ART3: variants seen among roughly 807,000 people sequenced by gnomAD.
ART3 encodes ADP-ribosyltransferase 3 (inactive), also known as ecto-ADP-ribosyltransferase 3.
Under a neutral mutation model 48.5 loss-of-function variants are expected in ART3, and 49 were observed. The ratio of observed to expected loss-of-function variants is 1.01; its 90% confidence interval spans 0.80 to 1.28. The LOEUF (loss-of-function observed/expected upper bound fraction) is 1.28. Among genes scored for constraint, ART3 ranks in the 50% most tolerant of loss-of-function variants. The pLI is 0.00. For synonymous variants in ART3, 145 were observed against 157.2 expected, an observed-to-expected ratio of 0.92 and a Z score of 0.58; for missense variants, 438 against 454.3, an observed-to-expected ratio of 0.96 and a Z score of 0.33.
intron 8 of ART3, among the ~76,000 whole-genome samples, chr4:76,101,311 G>T (rs1262317531): frequency 1.3e-5 from 2 of 152,156 alleles, no homozygotes; most frequent in African/African-American, 4.8e-5. Flanking sequence ...ATTGGGCAGG[G>T]CATAACAAAT....
chr4:76,049,723 CACCGCTCGGCGATAGGCGATGGTCTT>C (rs988032887), intron 1 of ART3, among the ~76,000 whole-genome samples: 13 of 151,796 alleles, frequency 8.6e-5, no homozygotes, highest in Non-Finnish European at 1.8e-4. Context: ...GCGATTGTCT[CACCGCTCGGCGATAGGCGATGGTCTT>C]ACCGCTCGGC....
In ART3 at chr4:76,098,819, A is replaced by T; in HGVS notation, c.815-136A>T. ...TTTGAATTGAAATTTTATATCTGTT[A>T]TAGTAACTGTATTTTTATGTTTCTT... On this transcript the variant is annotated intron_variant, in intron 4 of 11. Coordinates refer to ENST00000355810, the MANE Select transcript of ART3 (RefSeq NM_001130016.3). 4 of 694,990 alleles carry T rather than the reference A, an allele frequency of 5.8e-6. No homozygotes were observed. The South Asian group carries it at 8.0e-5, about 14-fold the overall frequency. The allele number at this position is 694,990 out of a possible 1,614,324, so 43.1% of individuals were successfully genotyped here.
intron 3 of ART3, among the ~76,000 whole-genome samples, chr4:76,093,383 G>A (rs555867598): frequency 6.9e-4 from 105 of 152,268 alleles, no homozygotes; most frequent in Non-Finnish European, 9.7e-4. Flanking sequence ...AGCCACGACT[G>A]CGCCACTGTG....
intron 10 of ART3, among the ~76,000 whole-genome samples, chr4:76,106,939 T>C (rs538334582): frequency 3.9e-5 from 6 of 152,190 alleles, no homozygotes; most frequent in African/African-American, 1.4e-4. Context: ...TTTGCAATGG[T>C]CTGAAAGCCA....
chr4:76,046,537 A>T (rs1380436497), intron 1 of ART3, among the ~76,000 whole-genome samples: 2 of 151,956 alleles, frequency 1.3e-5, no homozygotes, highest in Non-Finnish European at 2.9e-5. Flanking sequence ...GCCTTAAGGG[A>T]TATTGCCTTT....
At chr4:76,045,286 G>C (rs56276608) in intron 1 of ART3, among the ~76,000 whole-genome samples, 1,736 of 152,132 alleles carry the variant, frequency 0.011, 43 homozygotes, top group African/African-American at 0.039. Context: ...CCCATCCTCT[G>C]GGAGAAAAGT....
At chr4:76,106,560 G>T (rs183543630) in intron 10 of ART3, among the ~76,000 whole-genome samples, 50 of 152,284 alleles carry the variant, frequency 3.3e-4, no homozygotes, top group African/African-American at 1.1e-3. Context: ...CTGGGAGAGA[G>T]CGTTGTGTGT....
intron 1 of ART3, among the ~76,000 whole-genome samples, chr4:76,042,466 T>C (rs1735057809): frequency 6.6e-6 from 1 of 152,180 alleles, no homozygotes; most frequent in Non-Finnish European, 1.5e-5. Context: ...GCCAGGCATG[T>C]AATAGACACC....
rs376761055 is a variant in ART3 at position 76,104,489 on chromosome 4, G to A, written c.971-108G>A. On this transcript the variant is annotated intron_variant, in intron 9 of 11. Coordinates refer to ENST00000355810, the MANE Select transcript of ART3 (RefSeq NM_001130016.3). Reference sequence around the variant, plus strand: ...TAAATAAAAAGCCAGAAACTATAGTGCATTGGGGCCTTGGGTGCTTGCATC... The same window carrying A: ...TAAATAAAAAGCCAGAAACTATAGTACATTGGGGCCTTGGGTGCTTGCATC... 81 of 1,532,562 alleles carry A rather than the reference G, an allele frequency of 5.3e-5. No individual in the cohort carries two copies. The African/African-American group carries it at 9.4e-4, about 18-fold the overall frequency. The allele number at this position is 1,532,562 out of a possible 1,614,324, so 94.9% of individuals were successfully genotyped here.
chr4:76,027,120 G>A (rs1317494319), intron 1 of ART3, among the ~76,000 whole-genome samples: 1 of 152,146 alleles, frequency 6.6e-6, no homozygotes, highest in African/African-American at 2.4e-5. Flanking sequence ...GGGCGTGGTG[G>A]TGGGCGACTG....
At chr4:76,072,698 G>A (rs1720443700), upstream of ART3, among the ~76,000 whole-genome samples, 1 of 120,836 alleles carries the variant, frequency 8.3e-6, no homozygotes, top group Non-Finnish European at 1.6e-5. Flanking sequence ...GTGAAAGCCA[G>A]TGTTCTTACA....
chr4:76,098,485 AT>A (rs894194090), intron 4 of ART3, among the ~76,000 whole-genome samples: 8 of 151,644 alleles, frequency 5.3e-5, no homozygotes, highest in South Asian at 2.1e-4. Flanking sequence ...TTTCCTGTGA[AT>A]TTTTTTTTCA....
At chr4:76,041,629 TGTGTAA>T (rs1560590783) in intron 1 of ART3, among the ~76,000 whole-genome samples, 6 of 150,720 alleles carry the variant, frequency 4.0e-5, no homozygotes, top group Non-Finnish European at 5.9e-5. Context: ...ATTATTTCAA[TGTGTAA>T]TCAATGTGGA....
At chr4:76,036,607 G>A (rs1202782072) in intron 1 of ART3, 1 of 152,038 alleles carries the variant, frequency 6.6e-6, no homozygotes, top group South Asian at 2.1e-4. Flanking sequence ...TGTCCATATT[G>A]TTTTGCATTT....
chr4:76,050,526 G>A (rs13104942), intron 1 of ART3, among the ~76,000 whole-genome samples: 89,069 of 151,974 alleles, frequency 0.59, 26,959 homozygotes, highest in East Asian at 0.94. Flanking sequence ...TGGTGTATTT[G>A]CAATCCCTGA....
At chr4:76,111,371 A>G (rs1284352017) in intron 11 of ART3, among the ~76,000 whole-genome samples, 2 of 152,310 alleles carry the variant, frequency 1.3e-5, no homozygotes, top group East Asian at 1.9e-4. Context: ...ATTGCTTGAT[A>G]TATAGATTCA....
At chr4:76,021,800 C>G (rs1057024366) in intron 1 of ART3, 2 of 906,058 alleles carry the variant, frequency 2.2e-6, no homozygotes, top group Non-Finnish European at 3.6e-6. Context: ...CATTGGTCAC[C>G]TTTTAGTGTA....
At chr4:76,104,397 T>C in intron 9 of ART3, 200 bp from the exon 10 acceptor site, 1 of 985,444 alleles carries the variant, frequency 1.0e-6, no homozygotes, top group Non-Finnish European at 1.2e-6. Context: ...AGTGAAGTGC[T>C]ATGGCAGAAG....
chr4:76,091,447 G>A (rs4859422), intron 3 of ART3, among the ~76,000 whole-genome samples: 33,025 of 151,984 alleles, frequency 0.22, 4,181 homozygotes, highest in Admixed American at 0.32. Context: ...GATATGTGGT[G>A]GTATTTTATT....
Sources: allele counts gnomAD v4.1 joint callset (sites outside exome capture counted in the v4.1 genomes callset), GRCh38; gene constraint gnomAD v4.1.1; transcripts MANE v1.5; gene names NCBI Gene and HGNC (gene_info 2026-07-23, HGNC 2026-07-21).